The following SMYD3 variants were observed in gnomAD, a reference collection of about 807,000 sequenced individuals.
SMYD3 encodes SET and MYND domain containing 3.
Under a neutral mutation model 57.7 loss-of-function variants are expected in SMYD3, and 36 were observed. That is an observed-to-expected ratio of 0.62 (90% CI 0.48 to 0.82). The LOEUF (loss-of-function observed/expected upper bound fraction) is 0.82, where lower values mean the gene tolerates loss of function less well. Ranked by LOEUF, SMYD3 falls within the 40% of genes least tolerant of loss-of-function variation. The pLI, the probability that SMYD3 is intolerant of heterozygous loss-of-function variation, is 0.00. For missense variants in SMYD3, 515 were observed against 538.8 expected (o/e 0.96, Z 0.44); for synonymous variants, 211 against 195.0 (o/e 1.08, Z -0.68).
intron 5 of SMYD3, among the ~76,000 whole-genome samples, chr1:246,167,502 GT>G (rs564629044): frequency 2.0e-5 from 3 of 147,038 alleles, no homozygotes; most frequent in South Asian, 4.4e-4. Flanking sequence ...CCTCATTACG[GT>G]TTTTTTTTCT....
intron 5 of SMYD3, among the ~76,000 whole-genome samples, chr1:246,277,892 C>T (rs2064366130): frequency 1.3e-5 from 2 of 152,272 alleles, no homozygotes; most frequent in African/African-American, 2.4e-5. Flanking sequence ...ACCAAAGGGA[C>T]ATATGGCAAC....
At chr1:246,214,622 A>C (rs1430030809) in intron 5 of SMYD3, among the ~76,000 whole-genome samples, 1 of 152,200 alleles carries the variant, frequency 6.6e-6, no homozygotes, top group Non-Finnish European at 1.5e-5. Flanking sequence ...GCTAAGAGAG[A>C]AACCAATTTA....
rs1021296251 is a variant in SMYD3 at position 245,749,421 on chromosome 1, T to C, written c.*142A>G. On this transcript the variant is annotated 3_prime_UTR_variant, in exon 12 of 12. Coordinates refer to ENST00000490107, the MANE Select transcript of SMYD3 (RefSeq NM_001167740.2). Reference sequence around the variant, plus strand: ...AATGATTCTTGTGGTTTGCAAACCATGTCTGCCTTTATTTACCTACACAAA... The same window carrying C: ...AATGATTCTTGTGGTTTGCAAACCACGTCTGCCTTTATTTACCTACACAAA... 9 of 600,312 alleles carry C rather than the reference T, an allele frequency of 1.5e-5. No individual in the cohort carries two copies. The highest frequency in any genetic ancestry group is 3.1e-5 in the Admixed American group (1 of 32,598). The allele number at this position is 600,312 out of a possible 1,614,324, so 37.2% of individuals were successfully genotyped here.
At chr1:245,849,078 A>G (rs937431550) in intron 10 of SMYD3, among the ~76,000 whole-genome samples, 6 of 152,154 alleles carry the variant, frequency 3.9e-5, no homozygotes, top group African/African-American at 1.4e-4. Flanking sequence ...TTCCTTGGAT[A>G]CTGCAACCAA....
At position 246,400,131 on chromosome 1, in the gene SMYD3, A is replaced by C. The variant is rs532102526; in HGVS notation, c.165-45037T>G. Among the ~76,000 whole-genome samples the C allele has an allele frequency of 3.9e-5, 6 of 152,352 alleles. No individual in the cohort carries two copies. In the South Asian group the frequency reaches 1.0e-3, roughly 26 times the overall value. Reference sequence around the variant, plus strand: ...GATATATAATCCTAAAAAATGCTCCATTGCTAGGTGACTAATTTTAAGACA... The same window carrying C: ...GATATATAATCCTAAAAAATGCTCCCTTGCTAGGTGACTAATTTTAAGACA... On this transcript the variant is annotated intron_variant, in intron 1 of 11. Transcript: ENST00000490107.
chr1:245,780,892 C>T (rs2046803927), intron 10 of SMYD3, among the ~76,000 whole-genome samples: 1 of 152,120 alleles, frequency 6.6e-6, no homozygotes, highest in African/African-American at 2.4e-5. Flanking sequence ...TGTACTATAT[C>T]CATACAATGT....
intron 5 of SMYD3, among the ~76,000 whole-genome samples, chr1:246,017,051 G>C (rs2059389722): frequency 6.6e-6 from 1 of 152,038 alleles, no homozygotes; most frequent in Non-Finnish European, 1.5e-5. Flanking sequence ...GTTCCCTGAG[G>C]ACAGAATAAC....
At chr1:245,856,061 T>C (rs934844530) in intron 10 of SMYD3, among the ~76,000 whole-genome samples, 1 of 152,340 alleles carries the variant, frequency 6.6e-6, no homozygotes, top group Admixed American at 6.5e-5. Context: ...AATTCCCTCA[T>C]GCACATGTGA....
intron 5 of SMYD3, among the ~76,000 whole-genome samples, chr1:246,044,227 C>T (rs2059925277): frequency 6.6e-6 from 1 of 152,072 alleles, no homozygotes; most frequent in Non-Finnish European, 1.5e-5. Context: ...AAATTCATTA[C>T]CTCAATTTAG....
At chr1:246,100,418 G>A (rs865925638) in intron 5 of SMYD3, among the ~76,000 whole-genome samples, 1 of 152,198 alleles carries the variant, frequency 6.6e-6, no homozygotes. Flanking sequence ...TCCAAGGCCT[G>A]TGGACGTCTC....
Position 245,749,469 on chromosome 1 carries a change from G to T in SMYD3, c.*94C>A. The T allele has an allele frequency of 1.1e-6, 1 of 911,212 alleles. No individual in the cohort carries two copies. 56.4% of individuals were successfully genotyped at this position (911,212 alleles called of 1,614,324 possible). On this transcript the variant is annotated 3_prime_UTR_variant, in exon 12 of 12. Coordinates refer to ENST00000490107, the MANE Select transcript of SMYD3 (RefSeq NM_001167740.2). The stretch of plus-strand genomic sequence containing the variant: ...AAACACGGAACAGAATTTCCAATAG[G>T]AGAGGTTCACACAGCTAACAAAGCA...
chr1:246,426,112 G>C (rs1403985068), intron 1 of SMYD3: 1 of 152,004 alleles, frequency 6.6e-6, no homozygotes, highest in Non-Finnish European at 1.5e-5. Context: ...TGGACCTTTG[G>C]ACCAGCCTTC....
At chr1:245,761,215 T>C (rs1298265072) in intron 11 of SMYD3, among the ~76,000 whole-genome samples, 2 of 152,152 alleles carry the variant, frequency 1.3e-5, no homozygotes, top group African/African-American at 4.8e-5. Context: ...CAGAATACCT[T>C]TCATTTGGCA....
chr1:246,191,614 A>G (rs1248714554), intron 5 of SMYD3, among the ~76,000 whole-genome samples: 3 of 152,240 alleles, frequency 2.0e-5, no homozygotes, highest in Non-Finnish European at 4.4e-5. Flanking sequence ...GAAATCAGAG[A>G]GATGTCTTTT....
At chr1:245,977,298 A>C (rs2058469816) in intron 5 of SMYD3, among the ~76,000 whole-genome samples, 1 of 152,210 alleles carries the variant, frequency 6.6e-6, no homozygotes, top group Non-Finnish European at 1.5e-5. Flanking sequence ...TCTACCACAC[A>C]ACAGCCATCC....
intron 5 of SMYD3, among the ~76,000 whole-genome samples, chr1:246,301,238 G>C (rs1025958247): frequency 3.9e-5 from 6 of 152,068 alleles, no homozygotes; most frequent in African/African-American, 1.4e-4. Flanking sequence ...ATTGAAACTA[G>C]TCCCCAGGAC....
chr1:246,273,446 G>A (rs552779173), intron 5 of SMYD3, among the ~76,000 whole-genome samples: 26 of 151,802 alleles, frequency 1.7e-4, no homozygotes, highest in African/African-American at 4.4e-4. Flanking sequence ...CACCACGCCC[G>A]GCCCAGTAAT....
At chr1:245,920,743 G>A (rs1028106563) in intron 7 of SMYD3, among the ~76,000 whole-genome samples, 4 of 152,148 alleles carry the variant, frequency 2.6e-5, no homozygotes, top group African/African-American at 9.7e-5. Flanking sequence ...AGGACGGCTG[G>A]CTAGCCATAT....
intron 10 of SMYD3, among the ~76,000 whole-genome samples, chr1:245,840,530 T>C (rs555605769): frequency 1.3e-5 from 2 of 152,174 alleles, no homozygotes; most frequent in Admixed American, 6.5e-5. Context: ...AATTTCAATA[T>C]AGTGTTTGAG....
Sources: gnomAD v4.1 joint callset for allele counts (sites outside exome capture counted in the v4.1 genomes callset) on GRCh38, gnomAD v4.1.1 for gene constraint, MANE v1.5 for transcripts, NCBI Gene and HGNC (gene_info 2026-07-23, HGNC 2026-07-21) for gene names.